Variants in CIMAP2 observed in about 807,000 individuals in gnomAD.
CIMAP2 encodes ciliary microtubule associated protein 2, also known as ciliary microtubule-associated protein 2.
the CIMAP2 span, among the ~76,000 whole-genome samples, chr1:54,838,317 T>C: frequency 2.1e-3 from 318 of 152,008 alleles, 3 homozygotes; most frequent in African/African-American, 7.5e-3. Flanking sequence ...AGCACGTCTT[T>C]ACTAAAAATA....
the CIMAP2 span, among the ~76,000 whole-genome samples, chr1:54,818,417 A>T: frequency 1.4e-5 from 2 of 146,356 alleles, no homozygotes; most frequent in East Asian, 2.0e-4. Context: ...TTTCCATCTT[A>T]CCTTTCTGTT....
chr1:54,837,823 G>T, the CIMAP2 span, among the ~76,000 whole-genome samples: 2 of 152,184 alleles, frequency 1.3e-5, no homozygotes, highest in South Asian at 2.1e-4. Flanking sequence ...TGTAATGGTT[G>T]GAAGGAGCAG....
the CIMAP2 span, among the ~76,000 whole-genome samples, chr1:54,809,531 CATT>C: frequency 6.6e-6 from 1 of 152,314 alleles, no homozygotes; most frequent in Admixed American, 6.5e-5. Context: ...CAGGCACTAT[CATT>C]ATGTCCATTC....
the CIMAP2 span, among the ~76,000 whole-genome samples, chr1:54,831,730 G>A: frequency 3.3e-5 from 5 of 152,192 alleles, no homozygotes; most frequent in African/African-American, 4.8e-5. Context: ...AACCAACAAC[G>A]AAAAGGAAGA....
chr1:54,806,338 G>A, the CIMAP2 span: 803 of 1,066,404 alleles, frequency 7.5e-4, 2 homozygotes, highest in African/African-American at 0.013. Flanking sequence ...GCTGAGCCTG[G>A]CGGGGAGGGG....
the CIMAP2 span, chr1:54,811,765 G>GCCGGGGGGGGGGCCGCCCCCCCCCC: frequency 2.3e-6 from 3 of 1,301,328 alleles, no homozygotes; most frequent in Non-Finnish European, 3.3e-6. Flanking sequence ...GGTTCTGACA[G>GCCGGGGGGGGGGCCGCCCCCCCCCC]CCTCCATGCC....
chr1:54,834,050 C>G, the CIMAP2 span, among the ~76,000 whole-genome samples: 1 of 152,144 alleles, frequency 6.6e-6, no homozygotes, highest in Non-Finnish European at 1.5e-5. Context: ...GTTGGCCAGG[C>G]TGGTCTCAAA....
the CIMAP2 span, among the ~76,000 whole-genome samples, chr1:54,822,272 C>T: frequency 2.0e-5 from 3 of 152,090 alleles, no homozygotes; most frequent in Admixed American, 1.3e-4. Context: ...TGATAGTGGG[C>T]ATCCTTGTCT....
chr1:54,824,109 C>T, the CIMAP2 span, among the ~76,000 whole-genome samples: 2 of 152,088 alleles, frequency 1.3e-5, no homozygotes, highest in Non-Finnish European at 2.9e-5. Flanking sequence ...GCAGCCTCAA[C>T]CTTCCAGGCT....
chr1:54,833,179 T>G, the CIMAP2 span, among the ~76,000 whole-genome samples: 7 of 151,940 alleles, frequency 4.6e-5, 1 homozygote, highest in African/African-American at 1.7e-4. Flanking sequence ...ATGACAGAGG[T>G]GCTAAAGCAA....
chr1:54,807,626 C>G, the CIMAP2 span: 1 of 1,610,780 alleles, frequency 6.2e-7, no homozygotes, highest in Non-Finnish European at 8.5e-7. Flanking sequence ...GCCCAGGAAG[C>G]CACGCGGCTG....
the CIMAP2 span, chr1:54,806,281 G>A: frequency 2.1e-6 from 3 of 1,423,006 alleles, no homozygotes; most frequent in Non-Finnish European, 2.8e-6. Flanking sequence ...TGCCCACCCC[G>A]AAGCCACGCT....
chr1:54,821,492 G>A, the CIMAP2 span, among the ~76,000 whole-genome samples: 1 of 152,020 alleles, frequency 6.6e-6, no homozygotes. Context: ...ACCATTCTAT[G>A]TAAGGTCATT....
the CIMAP2 span, among the ~76,000 whole-genome samples, chr1:54,809,461 C>A: frequency 6.6e-6 from 1 of 152,174 alleles, no homozygotes; most frequent in African/African-American, 2.4e-5. Context: ...TAATAGTGGA[C>A]ATGTAGCATA....
the CIMAP2 span, chr1:54,811,777 C>CGGGGGGG: frequency 2.0e-6 from 1 of 511,462 alleles, no homozygotes; most frequent in Non-Finnish European, 3.7e-6. Flanking sequence ...CTCCATGCCC[C>CGGGGGGG]CACCCCCGCC....
the CIMAP2 span, among the ~76,000 whole-genome samples, chr1:54,811,009 T>C: frequency 6.6e-6 from 1 of 152,338 alleles, no homozygotes; most frequent in Admixed American, 6.5e-5. Context: ...CATGGTGGGC[T>C]CCTCGCTGCT....
At chr1:54,840,429 A>G in the CIMAP2 span, among the ~76,000 whole-genome samples, 2 of 152,338 alleles carry the variant, frequency 1.3e-5, no homozygotes, top group South Asian at 4.1e-4. Context: ...AATTTTTAAT[A>G]AAGCTGCTAT....
chr1:54,837,025 C>T, the CIMAP2 span, among the ~76,000 whole-genome samples: 4 of 152,006 alleles, frequency 2.6e-5, no homozygotes, highest in Non-Finnish European at 5.9e-5. Flanking sequence ...ATGGGACTCA[C>T]CTTTGCCTTC....
At chr1:54,810,594 G>T in the CIMAP2 span, among the ~76,000 whole-genome samples, 2 of 152,176 alleles carry the variant, frequency 1.3e-5, no homozygotes, top group African/African-American at 4.8e-5. Context: ...CTTCCCCAGG[G>T]CCGGGTTCCA....
Sources: allele counts gnomAD v4.1 joint callset (sites outside exome capture counted in the v4.1 genomes callset), GRCh38; gene constraint gnomAD v4.1.1; transcripts MANE v1.5; gene names NCBI Gene and HGNC (gene_info 2026-07-23, HGNC 2026-07-21).